The following GALNTL6 variants were observed in gnomAD, a reference collection of about 807,000 sequenced individuals.
GALNTL6 encodes polypeptide N-acetylgalactosaminyltransferase-like 6.
Under a neutral mutation model 73.7 loss-of-function variants are expected in GALNTL6, and 46 were observed. The observed-to-expected ratio is 0.62, with a 90% CI of 0.49 to 0.80. The LOEUF is 0.80. Among genes scored for constraint, GALNTL6 ranks in the 30% least tolerant of loss-of-function variants. The pLI, the probability that GALNTL6 is intolerant of heterozygous loss-of-function variation, is 0.00. For missense variants in GALNTL6, 604 were observed against 755.0 expected (o/e 0.80, Z 2.34); for synonymous variants, 259 against 263.7 (o/e 0.98, Z 0.17).
intron 5 of GALNTL6, among the ~76,000 whole-genome samples, chr4:172,698,496 G>A (rs748347): frequency 0.42 from 64,101 of 151,920 alleles, 15,944 homozygotes; most frequent in East Asian, 0.69. Context: ...TGCCTCCCAC[G>A]TGGCCACACC....
chr4:171,924,694 C>T (rs1737920821), intron 2 of GALNTL6, among the ~76,000 whole-genome samples: 1 of 152,130 alleles, frequency 6.6e-6, no homozygotes, highest in East Asian at 1.9e-4. Flanking sequence ...AGATTTGGAT[C>T]TCAAAAAGTC....
chr4:172,269,820 C>T (rs1320991627), intron 3 of GALNTL6, among the ~76,000 whole-genome samples: 6 of 151,670 alleles, frequency 4.0e-5, no homozygotes, highest in African/African-American at 9.7e-5. Context: ...GGCACAATTT[C>T]GGCTCACTGC....
chr4:172,496,717 G>C (rs898552289), intron 5 of GALNTL6, among the ~76,000 whole-genome samples: 1 of 152,050 alleles, frequency 6.6e-6, no homozygotes, highest in African/African-American at 2.4e-5. Context: ...TAGTGATACA[G>C]AAATATTTTA....
chr4:173,010,814 C>T (rs1241044855), intron 11 of GALNTL6, among the ~76,000 whole-genome samples: 5 of 150,204 alleles, frequency 3.3e-5, no homozygotes, highest in Non-Finnish European at 7.4e-5. Flanking sequence ...ACCATGTTGG[C>T]CAGAATGGTC....
intron 7 of GALNTL6, among the ~76,000 whole-genome samples, chr4:172,882,023 CAAA>C (rs879592913): frequency 4.9e-5 from 6 of 121,244 alleles, no homozygotes; most frequent in Non-Finnish European, 1.1e-4. Flanking sequence ...GTGAGCAGTC[CAAA>C]AAAAAAAAAA....
chr4:171,957,835 G>C (rs1372776144), intron 2 of GALNTL6, among the ~76,000 whole-genome samples: 11 of 152,090 alleles, frequency 7.2e-5, no homozygotes, highest in Admixed American at 7.2e-4. Flanking sequence ...AGATGTCCTC[G>C]TGAGTATGCT....
intron 5 of GALNTL6, among the ~76,000 whole-genome samples, chr4:172,503,679 A>G (rs936965637): frequency 6.6e-6 from 1 of 151,854 alleles, no homozygotes; most frequent in Non-Finnish European, 1.5e-5. Context: ...TACAGAAGTG[A>G]ATTCAACAAT....
At chr4:173,025,988 T>C (rs1753215136) in intron 12 of GALNTL6, among the ~76,000 whole-genome samples, 1 of 152,204 alleles carries the variant, frequency 6.6e-6, no homozygotes, top group South Asian at 2.1e-4. Context: ...TATCCTAATA[T>C]ACCACATCAT....
intron 5 of GALNTL6, among the ~76,000 whole-genome samples, chr4:172,710,103 A>T (rs1036787495): frequency 6.6e-6 from 1 of 152,094 alleles, no homozygotes; most frequent in Non-Finnish European, 1.5e-5. Flanking sequence ...ATACATTAAA[A>T]CTCATACATT....
At chr4:172,734,662 T>C (rs1452232535) in intron 5 of GALNTL6, among the ~76,000 whole-genome samples, 1 of 152,146 alleles carries the variant, frequency 6.6e-6, no homozygotes, top group Non-Finnish European at 1.5e-5. Flanking sequence ...GTTGCTTTCA[T>C]GGGCTGGTGT....
chr4:171,947,332 A>G lies in GALNTL6; in HGVS notation c.138+132614A>G, dbSNP rs185983527. 3.5e-3 allele frequency among the ~76,000 whole-genome samples: 526 copies of G among 152,212 alleles called. 5 individuals are homozygous for G. Among genetic ancestry groups the G allele is most frequent in the African/African-American group, 0.011 (476 of 41,554 alleles). ...GGCAGGGTTGAGAAGCTTACTCTAG[A>G]ACAGAAAATATGAATTATAGGTTGT... On this transcript the variant is annotated intron_variant, in intron 2 of 12. Coordinates refer to ENST00000506823, the MANE Select transcript of GALNTL6 (RefSeq NM_001034845.3).
intron 2 of GALNTL6, among the ~76,000 whole-genome samples, chr4:172,050,008 G>A (rs1376359803): frequency 2.0e-5 from 3 of 151,158 alleles, no homozygotes; most frequent in African/African-American, 2.4e-5. Context: ...GAAGGAAAAA[G>A]AAAAAAAAAA....
intron 2 of GALNTL6, among the ~76,000 whole-genome samples, chr4:171,837,828 A>G (rs1414418335): frequency 2.7e-5 from 4 of 150,690 alleles, no homozygotes; most frequent in Non-Finnish European, 4.4e-5. Context: ...CCATCTAGAA[A>G]TATTTACCCA....
chr4:172,007,668 A>C (rs183721552), intron 2 of GALNTL6, among the ~76,000 whole-genome samples: 2 of 152,284 alleles, frequency 1.3e-5, no homozygotes, highest in African/African-American at 4.8e-5. Context: ...ATTTGGACTA[A>C]TTATTCAATT....
At chr4:172,246,955 C>T (rs1737683410) in intron 3 of GALNTL6, among the ~76,000 whole-genome samples, 1 of 151,718 alleles carries the variant, frequency 6.6e-6, no homozygotes, top group African/African-American at 2.4e-5. Context: ...TTGACTTTTC[C>T]CACTTTCAGT....
At chr4:171,945,914 A>T (rs1738689846) in intron 2 of GALNTL6, among the ~76,000 whole-genome samples, 1 of 152,146 alleles carries the variant, frequency 6.6e-6, no homozygotes, top group African/African-American at 2.4e-5. Context: ...ATGAATCTTG[A>T]GGCAATCCCA....
chr4:172,370,567 C>A (rs762138609), intron 5 of GALNTL6, among the ~76,000 whole-genome samples: 17 of 137,372 alleles, frequency 1.2e-4, no homozygotes, highest in Non-Finnish European at 2.4e-4. Flanking sequence ...GGAGTCAGAG[C>A]TTGCAGTGAG....
At chr4:173,028,627 T>A (rs985294580) in intron 12 of GALNTL6, among the ~76,000 whole-genome samples, 3 of 152,116 alleles carry the variant, frequency 2.0e-5, no homozygotes, top group Non-Finnish European at 4.4e-5. Context: ...TATATGAAGT[T>A]CCTAAATAAG....
In GALNTL6 at chr4:172,156,029, G is replaced by A. The variant is rs1467804581; in HGVS notation, c.139-73627G>A. On this transcript the variant is annotated intron_variant, in intron 2 of 12. Coordinates refer to ENST00000506823, the MANE Select transcript of GALNTL6 (RefSeq NM_001034845.3). Reference sequence around the variant, plus strand: ...TTGGAACCCCGAGAACGTGCCAACAGACAACAGGAGGCGGTGTGGAGCTAC... The same window carrying A: ...TTGGAACCCCGAGAACGTGCCAACAAACAACAGGAGGCGGTGTGGAGCTAC... Among the ~76,000 whole-genome samples the A allele has an allele frequency of 4.6e-5, 7 of 152,184 alleles. No individual in the cohort carries two copies. In the East Asian group the frequency reaches 1.4e-3, roughly 29 times the overall value.
Sources: gnomAD v4.1 joint callset for allele counts (sites outside exome capture counted in the v4.1 genomes callset) on GRCh38, gnomAD v4.1.1 for gene constraint, MANE v1.5 for transcripts, NCBI Gene and HGNC (gene_info 2026-07-23, HGNC 2026-07-21) for gene names.